Variants in UBN1 observed in about 807,000 individuals in gnomAD.
UBN1 encodes the protein ubinuclein 1, also known as ubinuclein-1.
UBN1 carries 17 observed loss-of-function variants against 108.5 expected under a neutral mutation model. The ratio of observed to expected loss-of-function variants is 0.16; its 90% CI spans 0.11 to 0.24. The LOEUF (loss-of-function observed/expected upper bound fraction) is 0.24. UBN1 is among the 10% of genes least tolerant of loss of function. UBN1 has a pLI of 1.00. For missense variants in UBN1, 1,595 were observed against 1,394.4 expected (o/e 1.14, Z -2.29); for synonymous variants, 726 against 564.2 (o/e 1.29, Z -4.07).
In UBN1 at chr16:4,875,189, A is replaced by T. The variant is rs1460101391; in HGVS notation, c.2779A>T (p.Ser927Cys). Reference sequence around the variant, plus strand: ...TTCCTCGGGAGGAACACCAGTCCAGAGTTCTGTTTCTGGGAGCCTGGTCCC... The same window carrying T: ...TTCCTCGGGAGGAACACCAGTCCAGTGTTCTGTTTCTGGGAGCCTGGTCCC... The part of the protein sequence containing the change: ...SSSSGGTPVQ[S>C]SVSGSLVPGI... Residue 927 changes from serine (S) to cysteine (C), a missense_variant, in exon 15 of 18, where the codon AGT (serine) becomes TGT (cysteine). By Grantham distance (112) the Ser-to-Cys change is moderately radical (BLOSUM62 -1). Transcript: ENST00000262376. 1 of 1,614,098 alleles carries T rather than the reference A, an allele frequency of 6.2e-7. No individual in the cohort carries two copies. The highest frequency in any genetic ancestry group is 1.3e-5 in the African/African-American group (1 of 74,932).
intron 1 of UBN1, among the ~76,000 whole-genome samples, chr16:4,851,214 C>T (rs150282560): frequency 1.3e-5 from 2 of 152,100 alleles, no homozygotes; most frequent in Admixed American, 6.6e-5. Flanking sequence ...TATAAATGAC[C>T]ATATAGGCTG....
At position 4,858,492 on chromosome 16, in the gene UBN1, C is replaced by A. The variant is rs565441506; in HGVS notation, c.337-76C>A. 1.3e-5 allele frequency: 17 copies of A among 1,326,888 alleles called. No individual in the cohort carries two copies. The African/African-American group carries it at 1.4e-4, about 11-fold the overall frequency. 82.2% of individuals were successfully genotyped at this position (1,326,888 alleles called of 1,614,324 possible). On this transcript the variant is annotated intron_variant, in intron 3 of 17. Coordinates refer to ENST00000262376, the MANE Select transcript of UBN1 (RefSeq NM_001079514.3). ...AGTGCATTACCTCTTTGAGTCATAGCTGATGAAGTTCAAGGCCACAGTTAA... is the reference window on the plus strand; with the variant it reads ...AGTGCATTACCTCTTTGAGTCATAGATGATGAAGTTCAAGGCCACAGTTAA...
At chr16:4,876,673 A>G (rs893018934) in intron 15 of UBN1, among the ~76,000 whole-genome samples, 198 bp from the exon 16 acceptor site, 2 of 152,094 alleles carry the variant, frequency 1.3e-5, no homozygotes, top group African/African-American at 4.8e-5. Flanking sequence ...AATCCATTCC[A>G]TGTTGGTTCA....
At chr16:4,871,043 T>C in intron 11 of UBN1, 71 bp downstream of exon 11, 1 of 1,604,830 alleles carries the variant, frequency 6.2e-7, no homozygotes, top group Non-Finnish European at 8.5e-7. Flanking sequence ...CCCCTATTGC[T>C]GACAAAGGTT....
Position 4,877,231 on chromosome 16 carries a change from C to T in UBN1, c.3265+120C>T. 6.6e-7 allele frequency: 1 copy of T among 1,514,230 alleles called. No homozygotes were observed. 93.8% of individuals were successfully genotyped at this position (1,514,230 alleles called of 1,614,324 possible). A position where few individuals can be genotyped will look rare whatever the true frequency, so the allele number is the denominator to read the frequency against. On this transcript the variant is annotated intron_variant, in intron 16 of 17. Transcript: ENST00000262376. This position sits in a 1 kb window ranked among gnomAD's most constrained non-coding sequence, Gnocchi z 4.3. ...TGGTGTGTGACTGTGGGGAACATCTCCGGGAACTGTGCCAAGCCCCCACTG... is the reference window on the plus strand; with the variant it reads ...TGGTGTGTGACTGTGGGGAACATCTTCGGGAACTGTGCCAAGCCCCCACTG...
intron 7 of UBN1, among the ~76,000 whole-genome samples, chr16:4,865,799 A>G (rs1057481417): frequency 3.9e-5 from 6 of 152,136 alleles, no homozygotes; most frequent in South Asian, 2.1e-4. Flanking sequence ...CATCTCTACT[A>G]AAAATACAAA....
intron 4 of UBN1, 89 bp downstream of exon 4, chr16:4,858,752 C>A: frequency 8.0e-7 from 1 of 1,256,668 alleles, no homozygotes; most frequent in Non-Finnish European, 1.1e-6. Flanking sequence ...GGGGTCAGAG[C>A]AGTCGTGCCC....
At chr16:4,857,489 G>A (rs1258756377) in intron 2 of UBN1, among the ~76,000 whole-genome samples, 1 of 151,668 alleles carries the variant, frequency 6.6e-6, no homozygotes, top group East Asian at 1.9e-4. Context: ...GTTTAACTTT[G>A]GTAGCACCGA....
chr16:4,866,475 G>A lies in UBN1; in HGVS notation c.1111-2358G>A, dbSNP rs2087337631. 1.3e-5 allele frequency among the ~76,000 whole-genome samples: 2 copies of A among 152,124 alleles called. 1 individual carries two copies. Among genetic ancestry groups the A allele is most frequent in the South Asian group, 4.1e-4 (2 of 4,826 alleles). ...AAATATTATGTGACAGGCAGCCATG[G>A]GAAATATACTGATGAATAAGACTCA... On this transcript the variant is annotated intron_variant, in intron 7 of 17. Transcript: ENST00000262376.
intron 15 of UBN1, among the ~76,000 whole-genome samples, chr16:4,876,213 C>T (rs1287638061): frequency 2.0e-5 from 3 of 152,098 alleles, no homozygotes; most frequent in African/African-American, 7.2e-5. Context: ...CCGCCTCGGC[C>T]TCCCAAAGTG....
intron 7 of UBN1, among the ~76,000 whole-genome samples, chr16:4,862,446 TA>T (rs2087112250): frequency 6.6e-6 from 1 of 152,244 alleles, no homozygotes. Context: ...GAGTATCTCT[TA>T]GTATGACATT....
In UBN1 at chr16:4,874,796, G is replaced by T; in HGVS notation, c.2386G>T (p.Ala796Ser). 6.2e-7 allele frequency: 1 copy of T among 1,614,070 alleles called. No homozygotes were observed. Among genetic ancestry groups the T allele is most frequent in the Non-Finnish European group, 8.5e-7 (1 of 1,180,030 alleles). The stretch of plus-strand genomic sequence containing the variant: ...ACGGACGTCTCACGGGCCCCAAGTG[G>T]CAGTTCCTGTGCCTGGCCCCCAGGT... ...LPRTSHGPQVAVPVPGPQVKV... is the reference protein window; with the variant it reads ...LPRTSHGPQVSVPVPGPQVKV... The change falls in exon 15 of 18, where the codon GCA becomes TCA. Residue 796 changes from alanine (A) to serine (S), a missense_variant. Physicochemically the swap from Ala to Ser is moderately conservative, Grantham distance 99. Transcript: ENST00000262376.
chr16:4,853,167 G>A lies in UBN1; in HGVS notation c.249+1G>A, dbSNP rs560531272. On this transcript the variant is annotated splice_donor_variant, in intron 2 of 17. Coordinates refer to ENST00000262376, the MANE Select transcript of UBN1 (RefSeq NM_001079514.3). LOFTEE classifies it high-confidence loss of function. The stretch of plus-strand genomic sequence containing the variant: ...AAAAGGCCTTCAGCCTGGAGATAAG[G>A]TACACCCCTTTGTTCCCAGAGGCGC... 1.9e-6 allele frequency: 3 copies of A among 1,613,982 alleles called. No homozygotes were observed. The highest frequency in any genetic ancestry group is 3.3e-5 in the Admixed American group (2 of 60,010).
rs756783894 is a variant in UBN1, at chr16:4,859,978, A to G, written c.671+10A>G. 2 of 1,614,070 alleles carry G rather than the reference A, an allele frequency of 1.2e-6. No homozygotes were observed. The highest frequency in any genetic ancestry group is 3.3e-5 in the Admixed American group (2 of 60,008). On this transcript the variant is annotated intron_variant, in intron 6 of 17. Coordinates refer to ENST00000262376, the MANE Select transcript of UBN1 (RefSeq NM_001079514.3). ...AGTTTTCCAAAGCCGGGTGAGAGGCAGCAGCTTCTTTGCTAGGATAAAGCC... is the reference window on the plus strand; with the variant it reads ...AGTTTTCCAAAGCCGGGTGAGAGGCGGCAGCTTCTTTGCTAGGATAAAGCC...
chr16:4,875,479 C>T (rs1321629580), intron 15 of UBN1, 45 bp downstream of exon 15: 1 of 1,559,676 alleles, frequency 6.4e-7, no homozygotes, highest in South Asian at 1.2e-5. Flanking sequence ...CTCACAGGGG[C>T]CTTGGGGATG....
rs191406640 is a variant in UBN1, at chr16:4,864,949, A to G, written c.1110+3847A>G. On this transcript the variant is annotated intron_variant, in intron 7 of 17. Coordinates refer to ENST00000262376, the MANE Select transcript of UBN1 (RefSeq NM_001079514.3). The stretch of plus-strand genomic sequence containing the variant: ...CCTACTCAGCAAAAACAGATACAGT[A>G]TATAAGATTTTGAGCTGGGTGCTAA... Among the ~76,000 whole-genome samples, 28 of 152,350 alleles carry G rather than the reference A, an allele frequency of 1.8e-4. 1 individual carries two copies. In the East Asian group the frequency reaches 5.4e-3, roughly 29 times the overall value.
rs201565079 is a variant in UBN1 at position 4,877,487 on chromosome 16, C to T, written c.3355+13C>T. 1.1e-4 allele frequency: 180 copies of T among 1,606,054 alleles called. No homozygotes were observed. In the Middle Eastern group the frequency reaches 1.7e-3, roughly 15 times the overall value. On this transcript the variant is annotated intron_variant, in intron 17 of 17. Transcript: ENST00000262376. This position sits in a 1 kb window ranked among gnomAD's most constrained non-coding sequence, Gnocchi z 4.3. ...CAGAGTCTGCCAGGTAATCACCCGA[C>T]GGTCAGTGTGCCACGCGCACCGTGT...
At chr16:4,878,202 G>C (rs1567966070) in intron 17 of UBN1, among the ~76,000 whole-genome samples, 1 of 152,156 alleles carries the variant, frequency 6.6e-6, no homozygotes, top group Admixed American at 6.5e-5. Context: ...CCTATCCCGA[G>C]TCTGCGATTC....
chr16:4,871,013 G>C, intron 11 of UBN1, 41 bp downstream of exon 11: 1 of 1,612,128 alleles, frequency 6.2e-7, no homozygotes. Flanking sequence ...GAGGGTTGGT[G>C]GGGCAGTGTC....
Sources: allele counts gnomAD v4.1 joint callset (sites outside exome capture counted in the v4.1 genomes callset), GRCh38; gene constraint gnomAD v4.1.1; non-coding constraint Gnocchi (gnomAD v3.1); transcripts MANE v1.5; gene names NCBI Gene and HGNC (gene_info 2026-07-23, HGNC 2026-07-21).